The following GNG2 variants were observed in gnomAD, a reference collection of about 807,000 sequenced individuals.
GNG2 encodes G protein subunit gamma 2, also known as guanine nucleotide-binding protein G(I)/G(S)/G(O) subunit gamma-2.
Under a neutral mutation model 5.5 loss-of-function variants are expected in GNG2, and 5 were observed. The ratio of observed to expected loss-of-function variants is 0.91; its 90% CI spans 0.48 to 1.92. The LOEUF is 1.92. Ranked by LOEUF, GNG2 falls within the 30% of genes most tolerant of loss-of-function variation. The probability of loss-of-function intolerance (pLI) is 0.01; values close to 1 mark genes in which losing one functional copy is unlikely to be tolerated. For synonymous variants in GNG2, 28 were observed against 32.0 expected (o/e 0.88, Z 0.42); for missense variants, 55 against 88.4 (o/e 0.62, Z 1.52).
At chr14:51,931,533 G>A (rs959620143) in intron 2 of GNG2, among the ~76,000 whole-genome samples, 1 of 152,166 alleles carries the variant, frequency 6.6e-6, no homozygotes, top group East Asian at 1.9e-4. Flanking sequence ...TTACAGCAAT[G>A]AGAGTGAATG....
At chr14:51,940,480 A>T (rs1290462678) in intron 2 of GNG2, 1 of 152,116 alleles carries the variant, frequency 6.6e-6, no homozygotes, top group Non-Finnish European at 1.5e-5. Context: ...CTCTATTCTC[A>T]TCTCCTTTTT....
At chr14:51,876,879 G>A (rs1883710106) in intron 1 of GNG2, among the ~76,000 whole-genome samples, 1 of 152,190 alleles carries the variant, frequency 6.6e-6, no homozygotes. Context: ...CTGCAAAATA[G>A]GAATGGGAAA....
intron 2 of GNG2, among the ~76,000 whole-genome samples, chr14:51,945,615 T>C (rs1002064671): frequency 2.6e-5 from 4 of 152,206 alleles, no homozygotes; most frequent in Non-Finnish European, 5.9e-5. Context: ...GTGGTGATGA[T>C]TGCACAACAG....
At chr14:51,831,926 A>G (rs996017010) in intron 2 of GNG2, among the ~76,000 whole-genome samples, 2 of 152,238 alleles carry the variant, frequency 1.3e-5, no homozygotes, top group African/African-American at 4.8e-5. Context: ...CAAAATTTAA[A>G]AAGAGAATTC....
chr14:51,887,400 T>G (rs997256798), intron 2 of GNG2, among the ~76,000 whole-genome samples: 1 of 152,204 alleles, frequency 6.6e-6, no homozygotes, highest in Non-Finnish European at 1.5e-5. Context: ...TTTTCATTTC[T>G]TTGACCCAGG....
chr14:51,936,981 G>A (rs1888044552), intron 2 of GNG2, among the ~76,000 whole-genome samples: 1 of 152,028 alleles, frequency 6.6e-6, no homozygotes, highest in Non-Finnish European at 1.5e-5. Flanking sequence ...CTGTAAAAAG[G>A]GCCCTTTTCT....
intron 2 of GNG2, among the ~76,000 whole-genome samples, chr14:51,911,436 C>T (rs1281102141): frequency 3.3e-5 from 5 of 152,056 alleles, no homozygotes; most frequent in Admixed American, 1.3e-4. Context: ...AGACCCATTG[C>T]CTGAGTTCAA....
At position 51,847,875 on chromosome 14, in the gene GNG2, CTTTTTCTTT is replaced by C. The variant is rs1241415554; in HGVS notation, c.64+20074_64+20082del. On this transcript the variant is annotated intron_variant, in intron 2 of 3. Coordinates refer to the GNG2 transcript ENST00000553432. ...GGATGTTACTCTATGAATACAGGTC[CTTTTTCTTT>C]TTTTTTTTTTTTTTTTTTTTTTTTG... Among the ~76,000 whole-genome samples, 154 of 66,136 alleles carry C rather than the reference CTTTTTCTTT, an allele frequency of 2.3e-3. 3 individuals are homozygous for C. The highest frequency in any genetic ancestry group is 3.1e-3 in the African/African-American group (69 of 22,524). The allele number at this position is 66,136 out of a possible 152,430, so 43.4% of individuals were successfully genotyped here. A position where few individuals can be genotyped will look rare whatever the true frequency, so the allele number is the denominator to read the frequency against.
chr14:51,842,964 C>T (rs1881523627), intron 2 of GNG2, among the ~76,000 whole-genome samples: 1 of 152,184 alleles, frequency 6.6e-6, no homozygotes, highest in Admixed American at 6.5e-5. Flanking sequence ...CACGCCTGGC[C>T]TATTTGCCAG....
chr14:51,889,790 C>T (rs958673086), intron 2 of GNG2, among the ~76,000 whole-genome samples: 2 of 152,104 alleles, frequency 1.3e-5, no homozygotes, highest in South Asian at 2.1e-4. Flanking sequence ...AGTTCAGTGC[C>T]GTACTGTTTT....
At position 51,942,652 on chromosome 14, in the gene GNG2, G is replaced by A. The variant is rs141323121; in HGVS notation, c.-29-7998G>A. On this transcript the variant is annotated intron_variant, in intron 2 of 3. Transcript: ENST00000556766. ...TTGCCCAGGCTGGATTCAAACTCCT[G>A]GACTCAAACAATCCTCCCTTCTCAG... is the stretch of plus-strand genomic sequence containing the variant. Among the ~76,000 whole-genome samples the A allele has an allele frequency of 2.9e-3, 370 of 125,868 alleles. 1 individual carries two copies. Among genetic ancestry groups the A allele is most frequent in the Middle Eastern group, 0.016 (4 of 248 alleles). The allele number at this position is 125,868 out of a possible 152,430, so 82.6% of individuals were successfully genotyped here.
chr14:51,829,481 C>A (rs547500491), intron 2 of GNG2, among the ~76,000 whole-genome samples: 3 of 152,116 alleles, frequency 2.0e-5, no homozygotes, highest in African/African-American at 7.2e-5. Flanking sequence ...AGGGTACTCA[C>A]GTGTCAACCC....
intron 2 of GNG2, among the ~76,000 whole-genome samples, chr14:51,894,844 C>A (rs1885081235): frequency 1.3e-5 from 2 of 151,982 alleles, no homozygotes; most frequent in Non-Finnish European, 2.9e-5. Context: ...AATACTGTTG[C>A]TTCTGGGAAA....
At chr14:51,829,400 C>A (rs185051045) in intron 2 of GNG2, among the ~76,000 whole-genome samples, 7 of 152,186 alleles carry the variant, frequency 4.6e-5, no homozygotes, top group African/African-American at 1.7e-4. Context: ...CACTTACTCC[C>A]TCCTTACCTA....
chr14:51,829,203 C>T (rs1443781147), intron 2 of GNG2, among the ~76,000 whole-genome samples: 1 of 152,144 alleles, frequency 6.6e-6, no homozygotes. Flanking sequence ...TGTGCCTCAG[C>T]TGTCCACTCC....
intron 2 of GNG2, among the ~76,000 whole-genome samples, chr14:51,851,012 A>G (rs771039101): frequency 2.6e-5 from 4 of 152,230 alleles, no homozygotes; most frequent in Non-Finnish European, 5.9e-5. Context: ...TATCACCTGC[A>G]TAGGCAATGC....
At chr14:51,889,914 A>T (rs1884738528) in intron 2 of GNG2, among the ~76,000 whole-genome samples, 1 of 152,206 alleles carries the variant, frequency 6.6e-6, no homozygotes, top group African/African-American at 2.4e-5. Flanking sequence ...CTCTAGCCTT[A>T]CTTAGTTAAC....
intron 2 of GNG2, among the ~76,000 whole-genome samples, chr14:51,846,281 AT>A (rs1257310956): frequency 6.6e-6 from 1 of 152,132 alleles, no homozygotes; most frequent in Admixed American, 6.6e-5. Context: ...TTTACATACA[AT>A]TTTTTTCACA....
chr14:51,952,745 C>A (rs1047010549), intron 3 of GNG2, among the ~76,000 whole-genome samples: 1 of 152,190 alleles, frequency 6.6e-6, no homozygotes, highest in African/African-American at 2.4e-5. Context: ...TCATCCCTCA[C>A]CTGAATTACT....
Sources: gnomAD v4.1 joint callset for allele counts (sites outside exome capture counted in the v4.1 genomes callset) on GRCh38, gnomAD v4.1.1 for gene constraint, MANE v1.5 for transcripts, NCBI Gene and HGNC (gene_info 2026-07-23, HGNC 2026-07-21) for gene names.